Variants in TBC1D16 observed in about 807,000 individuals in gnomAD.
TBC1D16 encodes the protein CTD-2529O21.1.
A neutral mutation model predicts 74.7 loss-of-function variants in TBC1D16; 58 were observed. The observed-to-expected ratio is 0.78, with a 90% CI of 0.63 to 0.97. The LOEUF is 0.97. TBC1D16 is among the 50% of genes least tolerant of loss of function. TBC1D16 has a pLI of 0.00. For synonymous variants in TBC1D16, 493 were observed against 474.7 expected, an observed-to-expected ratio of 1.04 and a Z score of -0.50; for missense variants, 1,014 against 1,079.5, an observed-to-expected ratio of 0.94 and a Z score of 0.85.
In TBC1D16 at chr17:79,941,391, T is replaced by C. The variant is rs2143382403; in HGVS notation, c.2056-284A>G. Reference sequence around the variant, plus strand: ...CTTGAATGGGCTTCATTCAGGAGGGTGAACAGGACCAACACCAGCACAGGG... The same window carrying C: ...CTTGAATGGGCTTCATTCAGGAGGGCGAACAGGACCAACACCAGCACAGGG... On this transcript the variant is annotated intron_variant, in intron 11 of 11. Transcript: ENST00000310924. The surrounding 1 kb of genome is among the most constrained non-coding windows in gnomAD (Gnocchi z 4.3). 6.6e-6 allele frequency among the ~76,000 whole-genome samples: 1 copy of C among 152,000 alleles called. No individual in the cohort carries two copies. Among genetic ancestry groups the C allele is most frequent in the Non-Finnish European group, 1.5e-5 (1 of 67,936 alleles).
At chr17:79,995,308 A>G (rs946599646) in intron 3 of TBC1D16, among the ~76,000 whole-genome samples, 2 of 152,030 alleles carry the variant, frequency 1.3e-5, no homozygotes, top group African/African-American at 2.4e-5. Context: ...TCAAAAAAAA[A>G]AAATTGTACC....
chr17:79,942,139 T>A lies in TBC1D16; in HGVS notation c.1976A>T (p.Gln659Leu), dbSNP rs2032071593. The part of the protein sequence containing the change: ...VAIYGDDVIE[Q>L]QLATDQMLLH... ...GAGCATCTGGTCCGTGGCCAGCTGC[T>A]GCTCGATGACGTCATCCCCGTAGAT... The change falls in exon 11 of 12, where the codon CAG becomes CTG. Residue 659 changes from glutamine (Q) to leucine (L), a missense_variant. By Grantham distance (113) the Gln-to-Leu change is moderately radical (BLOSUM62 -2). Coordinates refer to ENST00000310924, the MANE Select transcript of TBC1D16 (RefSeq NM_019020.4). The A allele has an allele frequency of 1.2e-6, 2 of 1,611,188 alleles. No homozygotes were observed. The highest frequency in any genetic ancestry group is 1.7e-6 in the Non-Finnish European group (2 of 1,179,222).
rs1276993656 is a variant in TBC1D16, at chr17:80,001,264, CA to C, written c.779+8895del. On this transcript the variant is annotated intron_variant, in intron 3 of 11. Coordinates refer to ENST00000310924, the MANE Select transcript of TBC1D16 (RefSeq NM_019020.4). The surrounding 1 kb of genome is among the most constrained non-coding windows in gnomAD (Gnocchi z 5.8). ...CTGGTGGTGGCCACCTTGGCTTGGG[CA>C]GGGGGGAGTCTGGGGGAGGGAGGAA... 6.6e-6 allele frequency among the ~76,000 whole-genome samples: 1 copy of C among 152,088 alleles called. No homozygotes were observed. The highest frequency in any genetic ancestry group is 6.5e-5 in the Admixed American group (1 of 15,270).
At position 79,950,880 on chromosome 17, in the gene TBC1D16, T is replaced by G; in HGVS notation, c.1090-302A>C. 6.7e-7 allele frequency: 1 copy of G among 1,502,572 alleles called. No homozygotes were observed. Among genetic ancestry groups the G allele is most frequent in the East Asian group, 2.5e-5 (1 of 40,496 alleles). The allele number at this position is 1,502,572 out of a possible 1,614,324, so 93.1% of individuals were successfully genotyped here. On this transcript the variant is annotated intron_variant, in intron 5 of 11. Transcript: ENST00000310924. This position sits in a 1 kb window ranked among gnomAD's most constrained non-coding sequence, Gnocchi z 4.6. ...AATGCCTCGTTCGGCCTAACTTCCCTCTGCCGGGAGGGCCTGCAATGAATT... is the reference window on the plus strand; with the variant it reads ...AATGCCTCGTTCGGCCTAACTTCCCGCTGCCGGGAGGGCCTGCAATGAATT...
chr17:79,948,370 G>A (rs1276328670), intron 8 of TBC1D16, among the ~76,000 whole-genome samples: 1 of 151,644 alleles, frequency 6.6e-6, no homozygotes, highest in Non-Finnish European at 1.5e-5. Context: ...CCAGAATCTT[G>A]AGAGCAGGGG....
At chr17:79,965,565 G>T (rs1362271454) in intron 3 of TBC1D16, among the ~76,000 whole-genome samples, 2 of 152,148 alleles carry the variant, frequency 1.3e-5, no homozygotes, top group Non-Finnish European at 2.9e-5. Context: ...CATAAACCTT[G>T]TGGGTGAGAC....
In TBC1D16 at chr17:80,000,117, G is replaced by A. The variant is rs959674309; in HGVS notation, c.779+10043C>T. Among the ~76,000 whole-genome samples the A allele has an allele frequency of 3.9e-5, 6 of 152,166 alleles. No homozygotes were observed. Among genetic ancestry groups the A allele is most frequent in the Admixed American group, 1.3e-4 (2 of 15,270 alleles). On this transcript the variant is annotated intron_variant, in intron 3 of 11. Coordinates refer to ENST00000310924, the MANE Select transcript of TBC1D16 (RefSeq NM_019020.4). The surrounding 1 kb of genome is among the most constrained non-coding windows in gnomAD (Gnocchi z 4.1). Reference sequence around the variant, plus strand: ...CTTGTGCTGAAGGCTTGAGCTCTGCGTCACCCTTTCCTAAAACGGGGTGAT... The same window carrying A: ...CTTGTGCTGAAGGCTTGAGCTCTGCATCACCCTTTCCTAAAACGGGGTGAT...
At chr17:79,977,590 C>T (rs753675429) in intron 3 of TBC1D16, among the ~76,000 whole-genome samples, 14 of 152,268 alleles carry the variant, frequency 9.2e-5, no homozygotes, top group Admixed American at 2.0e-4. Flanking sequence ...ACCTGTGAGA[C>T]GGCGATGAGT....
rs74001794 is a variant in TBC1D16, at chr17:79,956,943, C to T, written c.780-4125G>A. ...GAGGCACGTTGCTGGGGGAGGTGTG[C>T]GGTGGCTCCTGGGTCCAGGACTCTT... On this transcript the variant is annotated intron_variant, in intron 3 of 11. Transcript: ENST00000310924. The surrounding 1 kb of genome is among the most constrained non-coding windows in gnomAD (Gnocchi z 4.0). Among the ~76,000 whole-genome samples the T allele has an allele frequency of 1.1e-4, 17 of 152,106 alleles. No individual in the cohort carries two copies. Among genetic ancestry groups the T allele is most frequent in the Admixed American group, 6.5e-4 (10 of 15,280 alleles).
rs2035737847 is a variant in TBC1D16, at chr17:80,007,879, A to G, written c.779+2281T>C. Among the ~76,000 whole-genome samples, 1 of 152,106 alleles carries G rather than the reference A, an allele frequency of 6.6e-6. No homozygotes were observed. The highest frequency in any genetic ancestry group is 1.5e-5 in the Non-Finnish European group (1 of 68,020). On this transcript the variant is annotated intron_variant, in intron 3 of 11. Transcript: ENST00000310924. The surrounding 1 kb of genome is among the most constrained non-coding windows in gnomAD (Gnocchi z 4.5). ...GGTGATGGGCCTTGGACCCCGAGTGAAGGAGATGGTGCTTCATCCTGAAAA... is the reference window on the plus strand; with the variant it reads ...GGTGATGGGCCTTGGACCCCGAGTGGAGGAGATGGTGCTTCATCCTGAAAA...
chr17:80,026,728 C>T (rs1304539557), intron 1 of TBC1D16, among the ~76,000 whole-genome samples: 2 of 149,998 alleles, frequency 1.3e-5, no homozygotes, highest in East Asian at 1.9e-4. Flanking sequence ...CCCTTGCCCA[C>T]AGCAGTGTGG....
intron 3 of TBC1D16, among the ~76,000 whole-genome samples, chr17:79,997,256 A>G (rs774695427): frequency 3.3e-5 from 5 of 152,166 alleles, no homozygotes; most frequent in Non-Finnish European, 7.3e-5. Flanking sequence ...GGACTGTACC[A>G]ACCTCAATTT....
chr17:80,011,714 T>A (rs1004995217), intron 2 of TBC1D16, among the ~76,000 whole-genome samples: 3 of 151,660 alleles, frequency 2.0e-5, no homozygotes, highest in African/African-American at 7.3e-5. Flanking sequence ...TAGTCCCAGC[T>A]ACTTGGGAGG....
chr17:80,019,110 GC>G (rs1391377598), intron 1 of TBC1D16, among the ~76,000 whole-genome samples: 4 of 150,196 alleles, frequency 2.7e-5, no homozygotes, highest in African/African-American at 1.0e-4. Flanking sequence ...GCTGCACACA[GC>G]TCTCAGCTGC....
chr17:80,018,634 G>C (rs1327034304), intron 1 of TBC1D16, among the ~76,000 whole-genome samples: 1 of 147,612 alleles, frequency 6.8e-6, no homozygotes, highest in African/African-American at 2.6e-5. Context: ...TTTAGAGACA[G>C]GTTGTCACCC....
In TBC1D16 at chr17:80,010,537, C is replaced by T. The variant is rs749935646; in HGVS notation, c.402G>A (p.Leu134=). 5.0e-6 allele frequency: 8 copies of T among 1,610,070 alleles called. No homozygotes were observed. In the East Asian group the frequency reaches 1.3e-4, roughly 27 times the overall value. ...CCAGGATGTCCTCATCTTTGGGGGT[C>T]AGGGTAGGCCGCAGCTCCGTCGGGG... ...QPSPTELRPT[L]TPKDEDILVV... is the part of the protein sequence containing the mutation. Residue 134 remains leucine (L), a synonymous_variant, in exon 3 of 12, where the codon CTG becomes CTA. Transcript: ENST00000310924. This position sits in a 1 kb window ranked among gnomAD's most constrained non-coding sequence, Gnocchi z 8.8.
At chr17:79,982,304 G>C (rs1259057649) in intron 3 of TBC1D16, among the ~76,000 whole-genome samples, 1 of 151,508 alleles carries the variant, frequency 6.6e-6, no homozygotes, top group Non-Finnish European at 1.5e-5. Flanking sequence ...CCGCCATCAA[G>C]CCCAGCTAAT....
In TBC1D16 at chr17:79,940,936, T is replaced by C. The variant is rs1718893598; in HGVS notation, c.2227A>G (p.Met743Val). ...ESCPYGGTVE[M>V]PSPKSLREGK... ...TCCCTCAGGGACTTGGGGGAAGGCA[T>C]CTCCACCGTGCCCCCGTAGGGACAG... The change falls in exon 12 of 12, where the codon ATG becomes GTG. Residue 743 changes from methionine (M) to valine (V), a missense_variant. Transcript: ENST00000310924. This position sits in a 1 kb window ranked among gnomAD's most constrained non-coding sequence, Gnocchi z 5.4. The C allele has an allele frequency of 1.0e-5, 16 of 1,597,190 alleles. No homozygotes were observed. The highest frequency in any genetic ancestry group is 1.3e-5 in the African/African-American group (1 of 74,600).
At chr17:79,945,447 G>C (rs899767795) in intron 9 of TBC1D16, among the ~76,000 whole-genome samples, 2 of 152,156 alleles carry the variant, frequency 1.3e-5, no homozygotes, top group Non-Finnish European at 2.9e-5. Context: ...ACTCCTCCTG[G>C]TGAGGTGAGT....
Sources: gnomAD v4.1 joint callset for allele counts (sites outside exome capture counted in the v4.1 genomes callset) on GRCh38, gnomAD v4.1.1 for gene constraint, Gnocchi (gnomAD v3.1) non-coding constraint, MANE v1.5 for transcripts, NCBI Gene and HGNC (gene_info 2026-07-23, HGNC 2026-07-21) for gene names.